Variants in ROBO2 observed in about 807,000 individuals in gnomAD.
ROBO2 encodes roundabout guidance receptor 2.
In ROBO2, 53 loss-of-function variants were observed where a neutral mutation model predicts 160.8. The observed-to-expected ratio is 0.33, with a 90% CI of 0.26 to 0.41. The LOEUF is 0.41. Among genes scored for constraint, ROBO2 ranks in the 10% least tolerant of loss-of-function variants. The pLI is 1.00. For synonymous variants in ROBO2, 664 were observed against 611.7 expected, an observed-to-expected ratio of 1.09 and a Z score of -1.26; for missense variants, 1,577 against 1,722.4, an observed-to-expected ratio of 0.92 and a Z score of 1.49.
At chr3:76,301,813 G>T (rs921928907) in intron 2 of ROBO2, among the ~76,000 whole-genome samples, 6 of 152,046 alleles carry the variant, frequency 3.9e-5, no homozygotes, top group Admixed American at 1.3e-4. Context: ...TAGCCGAAGG[G>T]TTGTAAGTGG....
At chr3:77,629,693 CTTAT>C (rs997233348) in intron 23 of ROBO2, 25 of 152,140 alleles carry the variant, frequency 1.6e-4, no homozygotes, top group African/African-American at 6.0e-4. Flanking sequence ...CATCATATTC[CTTAT>C]TTAATAAACT....
chr3:77,281,721 AGAT>A (rs1242375388), intron 2 of ROBO2, among the ~76,000 whole-genome samples: 1 of 152,292 alleles, frequency 6.6e-6, no homozygotes, highest in South Asian at 2.1e-4. Context: ...GTTGTGTGGA[AGAT>A]GATATTTCCA....
chr3:77,261,767 C>CTTT, intron 2 of ROBO2, among the ~76,000 whole-genome samples: 1 of 128,550 alleles, frequency 7.8e-6, no homozygotes. Context: ...TTTCTGATTT[C>CTTT]ATTTTTTTTT....
chr3:75,944,942 C>G (rs1363289489), intron 2 of ROBO2, among the ~76,000 whole-genome samples: 1 of 152,136 alleles, frequency 6.6e-6, no homozygotes, highest in African/African-American at 2.4e-5. Context: ...TGGATTGCTT[C>G]TTATTTAACT....
chr3:76,651,000 T>C (rs896321957), intron 2 of ROBO2, among the ~76,000 whole-genome samples: 1 of 152,164 alleles, frequency 6.6e-6, no homozygotes, highest in African/African-American at 2.4e-5. Flanking sequence ...TTACAAAGTC[T>C]AAATCAATTT....
chr3:76,583,407 T>A (rs893035874), intron 2 of ROBO2, among the ~76,000 whole-genome samples: 2 of 152,166 alleles, frequency 1.3e-5, no homozygotes, highest in South Asian at 4.1e-4. Context: ...TCACACACAC[T>A]CAGGCAAACA....
At chr3:77,235,976 G>A (rs2087915408) in intron 2 of ROBO2, among the ~76,000 whole-genome samples, 2 of 152,140 alleles carry the variant, frequency 1.3e-5, no homozygotes, top group South Asian at 4.1e-4. Flanking sequence ...GACCAAAAGA[G>A]TCAAACTCTG....
In ROBO2 at chr3:76,256,340, TCTCTCTCTCTC is replaced by T. The variant is rs1320641500; in HGVS notation, c.109+318739_109+318749del. 2.1e-3 allele frequency among the ~76,000 whole-genome samples: 169 copies of T among 81,482 alleles called. 1 individual carries two copies. The highest frequency in any genetic ancestry group is 5.3e-3 in the African/African-American group (124 of 23,344). The allele number at this position is 81,482 out of a possible 152,430, so 53.5% of individuals were successfully genotyped here. A position where few individuals can be genotyped will look rare whatever the true frequency, so the allele number is the denominator to read the frequency against. On this transcript the variant is annotated intron_variant, in intron 2 of 26. Coordinates refer to the ROBO2 transcript ENST00000487694. ...CTCTCTCTCTCTCTCTCTCTCTCTC[TCTCTCTCTCTC>T]TCACATACACACACACACACACACA... is the stretch of plus-strand genomic sequence containing the variant.
chr3:77,021,295 A>T (rs2062618278), intron 2 of ROBO2, among the ~76,000 whole-genome samples: 1 of 152,192 alleles, frequency 6.6e-6, no homozygotes, highest in African/African-American at 2.4e-5. Context: ...TGCCTTCAGA[A>T]GCAAAGTCTC....
At chr3:76,172,024 T>G (rs2073058186) in intron 2 of ROBO2, among the ~76,000 whole-genome samples, 1 of 152,076 alleles carries the variant, frequency 6.6e-6, no homozygotes, top group Non-Finnish European at 1.5e-5. Flanking sequence ...AAATTCCAGG[T>G]CAACTCCTAA....
intron 2 of ROBO2, among the ~76,000 whole-genome samples, chr3:76,105,672 G>A (rs148139043): frequency 6.6e-6 from 1 of 152,242 alleles, no homozygotes; most frequent in East Asian, 1.9e-4. Flanking sequence ...GTTCTGAACT[G>A]TAGAAATAGA....
chr3:76,816,369 CGG>C (rs2065666781), intron 2 of ROBO2, among the ~76,000 whole-genome samples: 1 of 151,942 alleles, frequency 6.6e-6, no homozygotes, highest in African/African-American at 2.4e-5. Flanking sequence ...TAGCGCCATG[CGG>C]TATTCGATAG....
chr3:77,301,771 C>A (rs561792818), intron 2 of ROBO2, among the ~76,000 whole-genome samples: 71 of 152,284 alleles, frequency 4.7e-4, no homozygotes, highest in African/African-American at 1.6e-3. Flanking sequence ...TTACTAAATT[C>A]ACGGTGTAGT....
Position 77,201,395 on chromosome 3 carries a change from G to C in ROBO2, c.388+103055G>C, listed in dbSNP as rs538490917. On this transcript the variant is annotated intron_variant, in intron 2 of 25. Transcript: ENST00000461745. ...AGCAAACTCCATTGCAGCGATTTGT[G>C]CTTAACTGGGAACTTGAGCACATAA... 2.6e-5 allele frequency among the ~76,000 whole-genome samples: 4 copies of C among 152,256 alleles called. No individual in the cohort carries two copies. In the South Asian group the frequency reaches 8.3e-4, roughly 32 times the overall value.
rs757749055 is a variant in ROBO2, at chr3:76,491,158, C to G, written c.109+553556C>G. ...TAATTTTAGTAGAGATGGGGTTTCA[C>G]CATGTTGGCCAGGCTGGTTTTGAAC... On this transcript the variant is annotated intron_variant, in intron 2 of 26. Transcript: ENST00000487694. 1.9e-4 allele frequency among the ~76,000 whole-genome samples: 29 copies of G among 152,040 alleles called. 1 individual carries two copies. The highest frequency in any genetic ancestry group is 3.5e-4 in the Non-Finnish European group (24 of 68,012).
chr3:76,772,704 T>C (rs1232054004), intron 2 of ROBO2, among the ~76,000 whole-genome samples: 1 of 151,098 alleles, frequency 6.6e-6, no homozygotes, highest in Non-Finnish European at 1.5e-5. Context: ...GGTACTGTAA[T>C]CATCATGGCA....
At chr3:76,193,644 A>G (rs1702113645) in intron 2 of ROBO2, among the ~76,000 whole-genome samples, 1 of 152,186 alleles carries the variant, frequency 6.6e-6, no homozygotes, top group Admixed American at 6.5e-5. Context: ...ATAGGGGAAA[A>G]TCTTTCGAAA....
intron 2 of ROBO2, among the ~76,000 whole-genome samples, chr3:75,945,488 G>C (rs1174403438): frequency 6.6e-6 from 1 of 151,958 alleles, no homozygotes; most frequent in East Asian, 1.9e-4. Flanking sequence ...TTTGAAGTGA[G>C]GTGGAAAGTT....
rs73845122 is a variant in ROBO2, at chr3:77,531,631, C to T, written c.934+8729C>T. On this transcript the variant is annotated intron_variant, in intron 6 of 25. Coordinates refer to ENST00000461745, the Ensembl canonical transcript of ROBO2. The stretch of plus-strand genomic sequence containing the variant: ...GAATAATGTAACAAATATTTTGATA[C>T]CCCCATCTCCCACCCCAACTTGAAA... 3.4e-3 allele frequency among the ~76,000 whole-genome samples: 515 copies of T among 151,824 alleles called. 3 individuals carry two copies. The highest frequency in any genetic ancestry group is 0.012 in the African/African-American group (493 of 41,444).
Sources: allele counts gnomAD v4.1 joint callset (sites outside exome capture counted in the v4.1 genomes callset), GRCh38; gene constraint gnomAD v4.1.1; transcripts MANE v1.5; gene names NCBI Gene and HGNC (gene_info 2026-07-23, HGNC 2026-07-21).